Variants in AP1B1 observed in about 807,000 individuals in gnomAD.
The protein encoded by AP1B1 is adaptor related protein complex 1 subunit beta 1, also known as AP-1 complex subunit beta-1.
Under a neutral mutation model 104.3 loss-of-function variants are expected in AP1B1, and 36 were observed. That is an observed-to-expected ratio of 0.35 (90% CI 0.26 to 0.46). The LOEUF (loss-of-function observed/expected upper bound fraction) is 0.46, where lower values mean the gene tolerates loss of function less well. AP1B1 is among the 20% of genes least tolerant of loss of function. AP1B1 has a pLI of 1.00. For missense variants in AP1B1, 901 were observed against 1,247.9 expected (o/e 0.72, Z 4.19); for synonymous variants, 504 against 517.5 (o/e 0.97, Z 0.35).
At position 29,349,520 on chromosome 22, in the gene AP1B1, G is replaced by T. The variant is rs531855339; in HGVS notation, c.1272-137C>A. ...GGCAGGTAAAGGGGATCTGAGTTTT[G>T]TTTTTTTTTTTGAGATGGAGTTTCA... is the stretch of plus-strand genomic sequence containing the variant. On this transcript the variant is annotated intron_variant, in intron 10 of 22. Transcript: ENST00000357586. 9.0e-4 allele frequency: 620 copies of T among 686,896 alleles called. 1 individual carries two copies. The highest frequency in any genetic ancestry group is 1.3e-3 in the Non-Finnish European group (566 of 449,774). The allele number at this position is 686,896 out of a possible 1,614,324, so 42.6% of individuals were successfully genotyped here.
At chr22:29,339,207 C>T in intron 15 of AP1B1, 74 bp from the exon 16 acceptor site, 1 of 1,572,318 alleles carries the variant, frequency 6.4e-7, no homozygotes, top group Non-Finnish European at 8.7e-7. Flanking sequence ...TGAGTAGAGC[C>T]ACCTGGCTCT....
intron 16 of AP1B1, among the ~76,000 whole-genome samples, chr22:29,336,834 C>T (rs1243562119): frequency 2.6e-5 from 4 of 150,962 alleles, no homozygotes; most frequent in African/African-American, 4.9e-5. Context: ...GATGAACACA[C>T]AAGCCTAGTG....
At chr22:29,385,764 T>A (rs945586039) in intron 1 of AP1B1, among the ~76,000 whole-genome samples, 1 of 152,210 alleles carries the variant, frequency 6.6e-6, no homozygotes, top group Non-Finnish European at 1.5e-5. Flanking sequence ...AAGGCACAGA[T>A]GTCACCTCAA....
Position 29,381,841 on chromosome 22 carries a change from C to T in AP1B1, c.-28+6583G>A, listed in dbSNP as rs549516374. Among the ~76,000 whole-genome samples, 497 of 151,808 alleles carry T rather than the reference C, an allele frequency of 3.3e-3. 4 individuals carry two copies. Among genetic ancestry groups the T allele is most frequent in the Non-Finnish European group, 5.1e-3 (349 of 67,952 alleles). Reference sequence around the variant, plus strand: ...AGTACCAGGTCCTTGCCTCCAGGCCCACATGCCTTCTTTGTTCCTCTAACA... The same window carrying T: ...AGTACCAGGTCCTTGCCTCCAGGCCTACATGCCTTCTTTGTTCCTCTAACA... On this transcript the variant is annotated intron_variant, in intron 1 of 22. Transcript: ENST00000357586.
chr22:29,339,254 CAT>C, intron 15 of AP1B1, 121 bp from the exon 16 acceptor site: 2 of 1,115,954 alleles, frequency 1.8e-6, no homozygotes, highest in Non-Finnish European at 2.6e-6. Flanking sequence ...GGACAGCCTC[CAT>C]ATCAACTCTA....
At position 29,374,744 on chromosome 22, in the gene AP1B1, G is replaced by A. The variant is rs141034766; in HGVS notation, c.-27-7474C>T. On this transcript the variant is annotated intron_variant, in intron 1 of 22. Coordinates refer to ENST00000357586, the MANE Select transcript of AP1B1 (RefSeq NM_001127.4). ...ATTAAAATTGCAAAGGTCCTTACCC[G>A]TTGACCCAGTAATTCTGCTTCTAGG... Among the ~76,000 whole-genome samples the A allele has an allele frequency of 2.0e-5, 3 of 152,324 alleles. No homozygotes were observed. In the East Asian group the frequency reaches 5.8e-4, roughly 29 times the overall value.
chr22:29,384,497 G>A (rs112403052), intron 1 of AP1B1, among the ~76,000 whole-genome samples: 2,878 of 152,294 alleles, frequency 0.019, 30 homozygotes, highest in South Asian at 0.036. Context: ...TTCAACACCT[G>A]CTGAGCACCA....
rs570779704 is a variant in AP1B1, at chr22:29,356,577, C to T, written c.565G>A (p.Glu189Lys). 5.0e-6 allele frequency: 8 copies of T among 1,614,130 alleles called. No individual in the cohort carries two copies. Among genetic ancestry groups the T allele is most frequent in the Non-Finnish European group, 6.8e-6 (8 of 1,180,020 alleles). The change falls in exon 6 of 23, where the codon GAG becomes AAG. Residue 189 changes from glutamate to lysine, a missense_variant. This residue lies in a region of AP1B1 where 471 missense variants were observed against 696.7 expected (regional missense o/e 0.68). Transcript: ENST00000357586. ...NAVAALSEIA[E>K]SHPSSNLLDL... ...AGCAGGTTGCTGCTGGGGTGAGACTCGGCAATTTCTGAGAGCGCTGCCACT... is the reference window on the plus strand; with the variant it reads ...AGCAGGTTGCTGCTGGGGTGAGACTTGGCAATTTCTGAGAGCGCTGCCACT...
chr22:29,330,389 G>C lies in AP1B1; in HGVS notation c.2755C>G (p.Pro919Ala), dbSNP rs1047094085. 1 of 1,613,438 alleles carries C rather than the reference G, an allele frequency of 6.2e-7. No homozygotes were observed. The highest frequency in any genetic ancestry group is 1.7e-5 in the Admixed American group (1 of 60,016). Residue 919 changes from proline to alanine, a missense_variant, in exon 21 of 23, where the codon CCC becomes GCC. Physicochemically the swap from Pro to Ala is conservative, Grantham distance 27. Coordinates refer to ENST00000357586, the MANE Select transcript of AP1B1 (RefSeq NM_001127.4). ...GCCGGGGCTCTCACCGTGCAGCTGGGGTTGCCCGGCTGGATCCGCAGCTCC... is the reference window on the plus strand; with the variant it reads ...GCCGGGGCTCTCACCGTGCAGCTGGCGTTGCCCGGCTGGATCCGCAGCTCC... ...LAELRIQPGNPSCTDLELSLK... is the reference protein window; with the variant it reads ...LAELRIQPGNASCTDLELSLK...
intron 1 of AP1B1, among the ~76,000 whole-genome samples, chr22:29,386,157 A>ACCCT (rs2062518816): frequency 6.6e-6 from 1 of 152,062 alleles, no homozygotes; most frequent in Non-Finnish European, 1.5e-5. Flanking sequence ...TTCCCATCTA[A>ACCCT]CCCTCACACA....
At chr22:29,377,581 C>T (rs2062365356) in intron 1 of AP1B1, among the ~76,000 whole-genome samples, 1 of 152,042 alleles carries the variant, frequency 6.6e-6, no homozygotes, top group Non-Finnish European at 1.5e-5. Flanking sequence ...GAGGCTGAGG[C>T]TGGCAGATCA....
chr22:29,332,738 C>T (rs1006427652), intron 17 of AP1B1, among the ~76,000 whole-genome samples: 3 of 152,214 alleles, frequency 2.0e-5, no homozygotes, highest in Admixed American at 1.3e-4. Flanking sequence ...TGTCTGACCC[C>T]AGCCTGTGCT....
At position 29,328,928 on chromosome 22, in the gene AP1B1, G is replaced by A. The variant is rs776322074; in HGVS notation, c.2776-33C>T. Reference sequence around the variant, plus strand: ...GGAGAGAGGGGTCGGGGGAAAGAGCGCTCATCCCTGGGGTTCCTCTCAGGA... The same window carrying A: ...GGAGAGAGGGGTCGGGGGAAAGAGCACTCATCCCTGGGGTTCCTCTCAGGA... On this transcript the variant is annotated intron_variant, in intron 22 of 22. Coordinates refer to ENST00000357586, the MANE Select transcript of AP1B1 (RefSeq NM_001127.4). This position sits in a 1 kb window ranked among gnomAD's most constrained non-coding sequence, Gnocchi z 4.1. The A allele has an allele frequency of 3.8e-6, 6 of 1,592,478 alleles. No homozygotes were observed. Among genetic ancestry groups the A allele is most frequent in the African/African-American group, 1.3e-5 (1 of 74,750 alleles).
At chr22:29,363,758 GTGGTGGC>G (rs2062088837) in intron 2 of AP1B1, among the ~76,000 whole-genome samples, 1 of 152,020 alleles carries the variant, frequency 6.6e-6, no homozygotes, top group South Asian at 2.1e-4. Flanking sequence ...TTAGCCGGGT[GTGGTGGC>G]ATGTGCCTGC....
intron 12 of AP1B1, 92 bp from the exon 13 acceptor site, chr22:29,341,852 G>T: frequency 1.4e-6 from 2 of 1,446,012 alleles, no homozygotes; most frequent in Non-Finnish European, 1.9e-6. Flanking sequence ...GTGCGGCACA[G>T]GGGTGGCCAA....
chr22:29,371,372 A>C (rs2062233873), intron 1 of AP1B1, among the ~76,000 whole-genome samples: 1 of 152,160 alleles, frequency 6.6e-6, no homozygotes, highest in African/African-American at 2.4e-5. Flanking sequence ...TCCCTACCCC[A>C]TAGAGGCCAA....
rs535235077 is a variant in AP1B1, at chr22:29,357,889, T to C, written c.525+837A>G. Among the ~76,000 whole-genome samples the C allele has an allele frequency of 3.3e-5, 5 of 152,040 alleles. No homozygotes were observed. The East Asian group carries it at 9.7e-4, about 29-fold the overall frequency. On this transcript the variant is annotated intron_variant, in intron 5 of 22. Coordinates refer to ENST00000357586, the MANE Select transcript of AP1B1 (RefSeq NM_001127.4). ...TTTGAGTAGAGATGGGGTTTCACCA[T>C]GTTGGCCAGGATGGTCTCAATCTCC... is the stretch of plus-strand genomic sequence containing the variant.
chr22:29,334,073 A>AAAAC (rs1356119503), intron 17 of AP1B1, among the ~76,000 whole-genome samples, 192 bp downstream of exon 17: 1 of 152,166 alleles, frequency 6.6e-6, no homozygotes, highest in Non-Finnish European at 1.5e-5. Flanking sequence ...TCCAAAAGAA[A>AAAAC]AAACAAACAA....
intron 6 of AP1B1, among the ~76,000 whole-genome samples, chr22:29,355,372 A>G (rs1602741383): frequency 6.6e-6 from 1 of 152,214 alleles, no homozygotes; most frequent in East Asian, 1.9e-4. Context: ...ACGCAGGAGG[A>G]CTGCTTTGAG....
Sources: gnomAD v4.1 joint callset for allele counts (sites outside exome capture counted in the v4.1 genomes callset) on GRCh38, gnomAD v4.1.1 for gene constraint, gnomAD v4.1.1 regional missense constraint, Gnocchi (gnomAD v3.1) non-coding constraint, MANE v1.5 for transcripts, NCBI Gene and HGNC (gene_info 2026-07-23, HGNC 2026-07-21) for gene names.